MARCHF4: variants seen among roughly 807,000 people sequenced by gnomAD.
The protein encoded by MARCHF4 is membrane associated ring-CH-type finger 4, also known as E3 ubiquitin-protein ligase MARCHF4.
In MARCHF4, 14 loss-of-function variants were observed where a neutral mutation model predicts 43.9. The ratio of observed to expected loss-of-function variants is 0.32; its 90% confidence interval spans 0.21 to 0.50. The LOEUF (loss-of-function observed/expected upper bound fraction) is 0.50. Among genes scored for constraint, MARCHF4 ranks in the 20% least tolerant of loss-of-function variants. MARCHF4 has a pLI of 0.98. For synonymous variants in MARCHF4, 226 were observed against 213.3 expected, an observed-to-expected ratio of 1.06 and a Z score of -0.52; for missense variants, 468 against 536.7, an observed-to-expected ratio of 0.87 and a Z score of 1.27.
chr2:216,361,328 T>C (rs974768227), intron 1 of MARCHF4, among the ~76,000 whole-genome samples: 3 of 152,154 alleles, frequency 2.0e-5, no homozygotes, highest in African/African-American at 7.2e-5. Flanking sequence ...GGATCAACGT[T>C]ATTTAAAATC....
chr2:216,259,227 G>C lies in MARCHF4; in HGVS notation c.*85C>G. 1 of 1,487,466 alleles carries C rather than the reference G, an allele frequency of 6.7e-7. No homozygotes were observed. Among genetic ancestry groups the C allele is most frequent in the Non-Finnish European group, 8.9e-7 (1 of 1,122,708 alleles). 92.1% of individuals were successfully genotyped at this position (1,487,466 alleles called of 1,614,324 possible). ...CCCCCACCCTCTGCCTGCTCCCTCT[G>C]TTGGCTCTGGGGGTGCCACTGCACC... On this transcript the variant is annotated 3_prime_UTR_variant, in exon 4 of 4. Coordinates refer to ENST00000273067, the MANE Select transcript of MARCHF4 (RefSeq NM_020814.3).
intron 1 of MARCHF4, among the ~76,000 whole-genome samples, chr2:216,320,611 C>T (rs372125956): frequency 3.7e-4 from 6 of 16,382 alleles, no homozygotes; most frequent in African/African-American, 1.6e-3. Flanking sequence ...GCCTCTTTTT[C>T]TTTCTTTCTT....
rs1344367685 is a variant in MARCHF4, at chr2:216,286,534, AG to A, written c.517-2806del. 8.1e-5 allele frequency among the ~76,000 whole-genome samples: 11 copies of A among 136,332 alleles called. No homozygotes were observed. The East Asian group carries it at 1.9e-3, about 24-fold the overall frequency. 89.4% of individuals were successfully genotyped at this position (136,332 alleles called of 152,430 possible). On this transcript the variant is annotated intron_variant, in intron 1 of 3. Transcript: ENST00000273067. ...GCAACTCCATCTAAAAAAAAAAAAAAGAAGAAGAAGAAAATAAAGCAAGGAC... is the reference window on the plus strand; with the variant it reads ...GCAACTCCATCTAAAAAAAAAAAAAAAAGAAGAAGAAAATAAAGCAAGGAC...
At chr2:216,369,657 T>C in intron 1 of MARCHF4, 88 bp downstream of exon 1, 1 of 1,099,868 alleles carries the variant, frequency 9.1e-7, no homozygotes, top group South Asian at 1.5e-5. Flanking sequence ...AAAGACAATA[T>C]AACCGTTCCC....
chr2:216,314,280 T>C (rs975501435), intron 1 of MARCHF4, among the ~76,000 whole-genome samples: 5 of 152,022 alleles, frequency 3.3e-5, no homozygotes, highest in African/African-American at 1.2e-4. Context: ...GTTTACAATC[T>C]AATTAGGGGT....
intron 1 of MARCHF4, among the ~76,000 whole-genome samples, chr2:216,314,650 A>C (rs527920899): frequency 5.9e-5 from 9 of 152,192 alleles, no homozygotes; most frequent in Non-Finnish European, 1.3e-4. Flanking sequence ...ATAAAAGTTA[A>C]AAAGGAAAAT....
Position 216,258,528 on chromosome 2 carries a change from G to GTGTA in MARCHF4, c.*783_*784insTACA, listed in dbSNP as rs1193356064. On this transcript the variant is annotated 3_prime_UTR_variant, in exon 4 of 4. Coordinates refer to ENST00000273067, the MANE Select transcript of MARCHF4 (RefSeq NM_020814.3). ...TAGGGGTGTGTGTGTGTGTGTGTGT[G>GTGTA]TGTGTGTGTGTGTGTGTCCTGTAAA... 1.3e-5 allele frequency: 2 copies of GTGTA among 153,758 alleles called. No homozygotes were observed. The highest frequency in any genetic ancestry group is 3.8e-4 in the East Asian group (2 of 5,224). The allele number at this position is 153,758 out of a possible 1,614,324, so 9.5% of individuals were successfully genotyped here.
chr2:216,303,937 T>C (rs919247124), intron 1 of MARCHF4, among the ~76,000 whole-genome samples: 1 of 152,132 alleles, frequency 6.6e-6, no homozygotes, highest in Non-Finnish European at 1.5e-5. Flanking sequence ...GCACACTTCA[T>C]GGGCAGGTCA....
chr2:216,367,221 G>A (rs538578610), intron 1 of MARCHF4, among the ~76,000 whole-genome samples: 26 of 152,084 alleles, frequency 1.7e-4, no homozygotes, highest in East Asian at 3.9e-4. Flanking sequence ...TTCCTCCAGG[G>A]CCATGTGTAG....
chr2:216,308,878 T>C (rs565093841), intron 1 of MARCHF4, among the ~76,000 whole-genome samples: 5 of 152,348 alleles, frequency 3.3e-5, no homozygotes, highest in African/African-American at 1.2e-4. Context: ...TGGTCCCCTG[T>C]TCCCCTTTTT....
intron 1 of MARCHF4, among the ~76,000 whole-genome samples, chr2:216,301,876 GA>G (rs1691497770): frequency 6.6e-6 from 1 of 152,184 alleles, no homozygotes; most frequent in Admixed American, 6.5e-5. Context: ...AAAGAATAAT[GA>G]GATGTAAAGA....
intron 3 of MARCHF4, among the ~76,000 whole-genome samples, chr2:216,270,071 T>C (rs1326713302): frequency 3.6e-5 from 5 of 139,040 alleles, no homozygotes; most frequent in African/African-American, 1.3e-4. Context: ...AATCTAGGCA[T>C]CCACCAGAAA....
intron 1 of MARCHF4, among the ~76,000 whole-genome samples, chr2:216,369,365 T>C (rs1692716297): frequency 6.6e-6 from 1 of 152,234 alleles, no homozygotes; most frequent in African/African-American, 2.4e-5. Context: ...GAAGATGGGC[T>C]AGACGAAATG....
At chr2:216,299,215 G>A (rs1691445517) in intron 1 of MARCHF4, among the ~76,000 whole-genome samples, 1 of 152,144 alleles carries the variant, frequency 6.6e-6, no homozygotes, top group African/African-American at 2.4e-5. Flanking sequence ...TGCAACTGTG[G>A]CAATCTTGGA....
chr2:216,307,538 GTT>G (rs35397715), intron 1 of MARCHF4, among the ~76,000 whole-genome samples: 1 of 150,776 alleles, frequency 6.6e-6, no homozygotes, highest in Non-Finnish European at 1.5e-5. Flanking sequence ...TCAAATCAAC[GTT>G]TTTTTTTGGA....
At chr2:216,346,076 A>G (rs1351483432) in intron 1 of MARCHF4, among the ~76,000 whole-genome samples, 1 of 152,176 alleles carries the variant, frequency 6.6e-6, no homozygotes, top group Non-Finnish European at 1.5e-5. Flanking sequence ...TTAACAGTCT[A>G]CAGTGTAGTT....
chr2:216,354,759 T>A (rs1259656509), intron 1 of MARCHF4, among the ~76,000 whole-genome samples: 1 of 152,226 alleles, frequency 6.6e-6, no homozygotes, highest in Non-Finnish European at 1.5e-5. Context: ...TGAGCAAGAC[T>A]GGTGAATACC....
intron 1 of MARCHF4, among the ~76,000 whole-genome samples, chr2:216,324,736 G>A (rs1405866544): frequency 7.7e-6 from 1 of 129,566 alleles, no homozygotes; most frequent in East Asian, 2.6e-4. Context: ...CTCAATAGAT[G>A]CAGAAAAGGC....
Position 216,283,645 on chromosome 2 carries a change from C to T in MARCHF4, c.601G>A (p.Gly201Ser), listed in dbSNP as rs146232989. ...TAGCACAGCTCGCAGCTCCAGCAGC[C>T]CCGCTCGCTGATCCACTTGATGAGG... The part of the protein sequence containing the change: ...PCLIKWISER[G>S]CWSCELCYYK... The change falls in exon 2 of 4, where the codon GGC becomes AGC. Residue 201 changes from glycine (G) to serine (S), a missense_variant. By Grantham distance (56) the Gly-to-Ser change is moderately conservative (BLOSUM62 0). Coordinates refer to ENST00000273067, the MANE Select transcript of MARCHF4 (RefSeq NM_020814.3). 1 of 1,613,860 alleles carries T rather than the reference C, an allele frequency of 6.2e-7. No individual in the cohort carries two copies. Among genetic ancestry groups the T allele is most frequent in the Non-Finnish European group, 8.5e-7 (1 of 1,179,734 alleles).
Sources: allele counts gnomAD v4.1 joint callset (sites outside exome capture counted in the v4.1 genomes callset), GRCh38; gene constraint gnomAD v4.1.1; transcripts MANE v1.5; gene names NCBI Gene and HGNC (gene_info 2026-07-23, HGNC 2026-07-21).